MAPK6: variants seen among roughly 807,000 people sequenced by gnomAD.
MAPK6 encodes ERK-3.
In MAPK6, 19 loss-of-function variants were observed where a neutral mutation model predicts 59.3. That is an observed-to-expected ratio of 0.32 (90% CI 0.22 to 0.47). The LOEUF is 0.47. Ranked by LOEUF, MAPK6 falls within the 20% of genes least tolerant of loss-of-function variation. MAPK6 has a pLI of 1.00. For missense variants in MAPK6, 724 were observed against 847.9 expected (o/e 0.85, Z 1.81); for synonymous variants, 316 against 290.3 (o/e 1.09, Z -0.90).
At position 52,046,397 on chromosome 15, in the gene MAPK6, C is replaced by T. The variant is rs1349363150; in HGVS notation, c.-64C>T. The T allele has an allele frequency of 3.4e-6, 4 of 1,187,160 alleles. No individual in the cohort carries two copies. Among genetic ancestry groups the T allele is most frequent in the South Asian group, 3.0e-5 (2 of 65,590 alleles). The allele number at this position is 1,187,160 out of a possible 1,614,324, so 73.5% of individuals were successfully genotyped here. A position where few individuals can be genotyped will look rare whatever the true frequency, so the allele number is the denominator to read the frequency against. ...TTTGAAAGATCTTTCCTTTTGATGC[C>T]AGTTTTCTTCCTTGTTTACACAAGT... On this transcript the variant is annotated 5_prime_UTR_variant, in exon 2 of 6. Transcript: ENST00000261845.
At chr15:52,022,956 A>G (rs1433925644) in intron 1 of MAPK6, among the ~76,000 whole-genome samples, 1 of 151,936 alleles carries the variant, frequency 6.6e-6, no homozygotes, top group African/African-American at 2.4e-5. Flanking sequence ...AAAATACAAA[A>G]ATTAGCTGGG....
chr15:52,053,197 C>T (rs1326929258), intron 3 of MAPK6, among the ~76,000 whole-genome samples: 1 of 151,976 alleles, frequency 6.6e-6, no homozygotes, highest in Non-Finnish European at 1.5e-5. Context: ...TCTCAGCCTC[C>T]CGAGTAGCTG....
At position 51,975,627 on chromosome 15, in the gene MAPK6, A is replaced by G. The variant is rs1336795071; in HGVS notation, c.-880+3721A>G. Among the ~76,000 whole-genome samples, 2 of 151,886 alleles carry G rather than the reference A, an allele frequency of 1.3e-5. 1 individual carries two copies. The highest frequency in any genetic ancestry group is 2.9e-5 in the Non-Finnish European group (2 of 67,964). ...AATTTGTGTAACACCTTAACGACTT[A>G]GAGGAAAAATAACAGATTGATTAAA... is the stretch of plus-strand genomic sequence containing the variant. On this transcript the variant is annotated intron_variant, in intron 1 of 7. Coordinates refer to the MAPK6 transcript ENST00000691380.
At chr15:52,048,771 T>G (rs373241926) in intron 2 of MAPK6, among the ~76,000 whole-genome samples, 3 of 151,592 alleles carry the variant, frequency 2.0e-5, no homozygotes, top group Admixed American at 6.6e-5. Flanking sequence ...CTCAGCACTT[T>G]AGGAGGCCGG....
At chr15:51,998,619 C>G (rs998916824) in intron 2 of MAPK6, among the ~76,000 whole-genome samples, 5 of 148,044 alleles carry the variant, frequency 3.4e-5, no homozygotes, top group African/African-American at 1.0e-4. Context: ...CCTCCAGGTT[C>G]AAGAGATTCT....
chr15:52,020,560 C>T (rs202172559), intron 1 of MAPK6, among the ~76,000 whole-genome samples: 13 of 152,126 alleles, frequency 8.5e-5, no homozygotes, highest in African/African-American at 3.1e-4. Flanking sequence ...ATGGCTGATT[C>T]TTCTAGCCTG....
chr15:52,024,197 G>T (rs187310704), intron 1 of MAPK6, among the ~76,000 whole-genome samples: 49 of 152,178 alleles, frequency 3.2e-4, no homozygotes, highest in Non-Finnish European at 5.9e-4. Flanking sequence ...GGGGTCATGG[G>T]CATTATCTTG....
intron 1 of MAPK6, among the ~76,000 whole-genome samples, chr15:52,024,384 A>G (rs1044611992): frequency 6.6e-6 from 1 of 151,746 alleles, no homozygotes; most frequent in Non-Finnish European, 1.5e-5. Flanking sequence ...AGAATCTTAG[A>G]ATCTACTTTT....
At chr15:52,038,568 G>T (rs1048676595) in intron 1 of MAPK6, among the ~76,000 whole-genome samples, 4 of 152,078 alleles carry the variant, frequency 2.6e-5, no homozygotes, top group African/African-American at 9.7e-5. Flanking sequence ...TTAGATTTTT[G>T]GGGGCCATCT....
intron 3 of MAPK6, among the ~76,000 whole-genome samples, chr15:52,012,382 C>T (rs982575328): frequency 5.9e-5 from 9 of 152,116 alleles, no homozygotes; most frequent in African/African-American, 2.2e-4. Flanking sequence ...TGTGGTACCC[C>T]CTGGGACGTG....
At chr15:52,062,414 A>G (rs906697041) in intron 5 of MAPK6, among the ~76,000 whole-genome samples, 2 of 152,220 alleles carry the variant, frequency 1.3e-5, no homozygotes, top group Admixed American at 6.5e-5. Flanking sequence ...AGGTCTAAAC[A>G]TTAGTGTATA....
intron 2 of MAPK6, among the ~76,000 whole-genome samples, chr15:52,049,140 C>G (rs1384719010): frequency 6.6e-6 from 1 of 152,002 alleles, no homozygotes; most frequent in Non-Finnish European, 1.5e-5. Context: ...TTGTAAGGTG[C>G]TTTGTAATTG....
At chr15:52,044,721 T>A (rs567351768) in intron 1 of MAPK6, among the ~76,000 whole-genome samples, 1 of 152,218 alleles carries the variant, frequency 6.6e-6, no homozygotes, top group South Asian at 2.1e-4. Flanking sequence ...GGATATTTTT[T>A]AAAGTATGAA....
chr15:52,020,501 A>G (rs894840178), intron 1 of MAPK6, among the ~76,000 whole-genome samples: 1 of 152,182 alleles, frequency 6.6e-6, no homozygotes, highest in East Asian at 1.9e-4. Context: ...AAGGGGAAAA[A>G]TTAACACGCC....
intron 2 of MAPK6, among the ~76,000 whole-genome samples, chr15:51,988,589 G>C (rs181601165): frequency 6.6e-6 from 1 of 151,920 alleles, no homozygotes; most frequent in African/African-American, 2.4e-5. Context: ...AAAATTAGCC[G>C]GGTGTGGTGG....
At chr15:51,994,825 T>C (rs528824129) in intron 2 of MAPK6, among the ~76,000 whole-genome samples, 2 of 152,226 alleles carry the variant, frequency 1.3e-5, no homozygotes, top group South Asian at 4.1e-4. Flanking sequence ...CAAGCCTACA[T>C]GGAAAGACAT....
chr15:52,049,814 G>T (rs563095322), intron 2 of MAPK6, among the ~76,000 whole-genome samples, 179 bp from the exon 3 acceptor site: 1 of 151,766 alleles, frequency 6.6e-6, no homozygotes, highest in Non-Finnish European at 1.5e-5. Flanking sequence ...GGGTTTCTCC[G>T]GTTGGTCAGA....
chr15:51,975,262 G>T (rs1456626723), intron 1 of MAPK6, among the ~76,000 whole-genome samples: 1 of 151,732 alleles, frequency 6.6e-6, no homozygotes, highest in Non-Finnish European at 1.5e-5. Context: ...TACTCAACAG[G>T]CCGGGCGCGG....
chr15:51,972,591 AGGCG>A (rs1310312609), intron 1 of MAPK6, among the ~76,000 whole-genome samples: 1 of 147,788 alleles, frequency 6.8e-6, no homozygotes, highest in Non-Finnish European at 1.5e-5. Flanking sequence ...TGGGAGGCCG[AGGCG>A]GGTGGATCAC....
Sources: gnomAD v4.1 joint callset for allele counts (sites outside exome capture counted in the v4.1 genomes callset) on GRCh38, gnomAD v4.1.1 for gene constraint, MANE v1.5 for transcripts, NCBI Gene and HGNC (gene_info 2026-07-23, HGNC 2026-07-21) for gene names.